NKAIN2: variants seen among roughly 807,000 people sequenced by gnomAD.
The protein encoded by NKAIN2 is sodium/potassium-transporting ATPase subunit beta-1-interacting protein 2.
A neutral mutation model predicts 32.6 loss-of-function variants in NKAIN2; 14 were observed. That is an observed-to-expected ratio of 0.43 (90% confidence interval 0.28 to 0.67). NKAIN2 has a LOEUF of 0.67. Among genes scored for constraint, NKAIN2 ranks in the 30% least tolerant of loss-of-function variants. The pLI, the probability that NKAIN2 is intolerant of heterozygous loss-of-function variation, is 0.17. For synonymous variants in NKAIN2, 80 were observed against 87.2 expected (o/e 0.92, Z 0.46); for missense variants, 198 against 258.3 (o/e 0.77, Z 1.60).
intron 2 of NKAIN2, among the ~76,000 whole-genome samples, chr6:124,344,214 A>G (rs1583084385): frequency 6.6e-6 from 1 of 152,280 alleles, no homozygotes; most frequent in South Asian, 2.1e-4. Context: ...TACCAGTACC[A>G]TGCTGTTTTG....
chr6:123,817,471 A>G (rs1208576000), intron 1 of NKAIN2, among the ~76,000 whole-genome samples: 3 of 152,162 alleles, frequency 2.0e-5, no homozygotes, highest in Non-Finnish European at 4.4e-5. Context: ...TTCTTCAGAA[A>G]GAGTTTGAAT....
At chr6:124,666,919 A>G (rs943204390) in intron 4 of NKAIN2, among the ~76,000 whole-genome samples, 1 of 152,160 alleles carries the variant, frequency 6.6e-6, no homozygotes, top group African/African-American at 2.4e-5. Flanking sequence ...CCTTGAAAAC[A>G]ATAAAGGTAA....
At chr6:123,834,865 A>G (rs763397541) in intron 1 of NKAIN2, among the ~76,000 whole-genome samples, 19 of 152,178 alleles carry the variant, frequency 1.2e-4, no homozygotes, top group Non-Finnish European at 2.2e-4. Context: ...GTAATGGACT[A>G]CATGAGTTGG....
At chr6:124,715,509 G>T (rs1012675205) in intron 4 of NKAIN2, among the ~76,000 whole-genome samples, 6 of 152,200 alleles carry the variant, frequency 3.9e-5, no homozygotes, top group African/African-American at 1.4e-4. Flanking sequence ...TCTGTAAGCA[G>T]ATCTAGGAAG....
At chr6:123,958,204 G>A (rs755688239) in intron 1 of NKAIN2, among the ~76,000 whole-genome samples, 29 of 151,878 alleles carry the variant, frequency 1.9e-4, no homozygotes, top group Non-Finnish European at 3.1e-4. Context: ...TCTCCTGTAC[G>A]TGTGACTTTG....
At chr6:124,616,051 G>C (rs879542819) in intron 3 of NKAIN2, among the ~76,000 whole-genome samples, 1 of 151,964 alleles carries the variant, frequency 6.6e-6, no homozygotes, top group Non-Finnish European at 1.5e-5. Flanking sequence ...GTGCATGTGG[G>C]TATAATTTGG....
At chr6:124,642,056 T>C (rs1784013602) in intron 3 of NKAIN2, among the ~76,000 whole-genome samples, 1 of 152,136 alleles carries the variant, frequency 6.6e-6, no homozygotes, top group Non-Finnish European at 1.5e-5. Context: ...GATCCCAAAG[T>C]TACCCATAGT....
At chr6:124,374,283 A>C (rs1015662362) in intron 3 of NKAIN2, among the ~76,000 whole-genome samples, 1 of 152,060 alleles carries the variant, frequency 6.6e-6, no homozygotes, top group African/African-American at 2.4e-5. Context: ...CATCAATTTA[A>C]GTGAAAAGGT....
intron 1 of NKAIN2, among the ~76,000 whole-genome samples, chr6:123,903,541 A>C (rs1031345549): frequency 6.6e-5 from 10 of 152,186 alleles, no homozygotes; most frequent in Non-Finnish European, 1.0e-4. Flanking sequence ...GAGCAAGAGA[A>C]AGTTGACTCT....
intron 1 of NKAIN2, among the ~76,000 whole-genome samples, chr6:124,112,327 G>A (rs1477890707): frequency 6.6e-6 from 1 of 152,094 alleles, no homozygotes; most frequent in African/African-American, 2.4e-5. Flanking sequence ...TTTTTGCCAG[G>A]TGGAGTATTA....
At chr6:124,281,402 G>A (rs1017500497) in intron 1 of NKAIN2, among the ~76,000 whole-genome samples, 20 of 152,086 alleles carry the variant, frequency 1.3e-4, no homozygotes, top group Non-Finnish European at 2.6e-4. Context: ...TCTACAAAAC[G>A]TTAACTATAT....
intron 1 of NKAIN2, among the ~76,000 whole-genome samples, chr6:123,980,482 C>G (rs1444582393): frequency 6.6e-6 from 1 of 152,126 alleles, no homozygotes; most frequent in Non-Finnish European, 1.5e-5. Context: ...GGTTTAAAAC[C>G]TAAGTGTTGC....
At chr6:124,054,741 C>T (rs1365851302) in intron 1 of NKAIN2, among the ~76,000 whole-genome samples, 4 of 151,870 alleles carry the variant, frequency 2.6e-5, no homozygotes, top group Non-Finnish European at 5.9e-5. Flanking sequence ...ACACATACAC[C>T]CCTAGGCATT....
chr6:123,936,824 A>C (rs915312623), intron 1 of NKAIN2, among the ~76,000 whole-genome samples: 15 of 152,240 alleles, frequency 9.9e-5, no homozygotes, highest in African/African-American at 3.4e-4. Context: ...ATGAATTAAT[A>C]TTACAGTACA....
Position 123,990,486 on chromosome 6 carries a change from G to A in NKAIN2, c.54+186232G>A, listed in dbSNP as rs115720005. 8.3e-3 allele frequency among the ~76,000 whole-genome samples: 1,259 copies of A among 152,242 alleles called. 8 individuals carry two copies. Among genetic ancestry groups the A allele is most frequent in the Middle Eastern group, 0.051 (15 of 294 alleles). On this transcript the variant is annotated intron_variant, in intron 1 of 6. Transcript: ENST00000368417. ...AAACCAGATTAGGAGGTTACATTAC[G>A]TTGTAAGACTAGTGCTGTTGTGGAA... is the stretch of plus-strand genomic sequence containing the variant.
chr6:124,791,954 T>C (rs190888854), intron 5 of NKAIN2, among the ~76,000 whole-genome samples: 21 of 152,270 alleles, frequency 1.4e-4, no homozygotes, highest in African/African-American at 5.1e-4. Flanking sequence ...AGTCTCAACA[T>C]TGAGACATAT....
At chr6:124,148,214 G>C (rs541062133) in intron 1 of NKAIN2, among the ~76,000 whole-genome samples, 1 of 151,824 alleles carries the variant, frequency 6.6e-6, no homozygotes, top group Admixed American at 6.6e-5. Context: ...TTGCACTTTT[G>C]TGATTACTAT....
intron 1 of NKAIN2, among the ~76,000 whole-genome samples, chr6:123,813,002 A>G (rs375077460): frequency 6.6e-6 from 1 of 152,364 alleles, no homozygotes; most frequent in African/African-American, 2.4e-5. Flanking sequence ...GGAAGGGTCT[A>G]TGTTACATGT....
chr6:124,795,249 C>A (rs1406507760), intron 5 of NKAIN2, among the ~76,000 whole-genome samples: 11 of 152,106 alleles, frequency 7.2e-5, no homozygotes, highest in Admixed American at 7.2e-4. Flanking sequence ...GGCAACTGGA[C>A]AAAATGTTCT....
Sources: gnomAD v4.1 joint callset for allele counts (sites outside exome capture counted in the v4.1 genomes callset) on GRCh38, gnomAD v4.1.1 for gene constraint, MANE v1.5 for transcripts, NCBI Gene and HGNC (gene_info 2026-07-23, HGNC 2026-07-21) for gene names.